LITAF: variants seen among roughly 807,000 people sequenced by gnomAD.
The protein encoded by LITAF is lipopolysaccharide induced TNF factor, also known as lipopolysaccharide-induced tumor necrosis factor-alpha factor.
A neutral mutation model predicts 14.5 loss-of-function variants in LITAF; 9 were observed. That is an observed-to-expected ratio of 0.62 (90% CI 0.37 to 1.08). The LOEUF (loss-of-function observed/expected upper bound fraction) is 1.08. Ranked by LOEUF, LITAF falls within the 50% of genes least tolerant of loss-of-function variation. The pLI, the probability that LITAF is intolerant of heterozygous loss-of-function variation, is 0.01. For missense variants in LITAF, 206 were observed against 213.4 expected, an observed-to-expected ratio of 0.97 and a Z score of 0.22; for synonymous variants, 98 against 88.2, an observed-to-expected ratio of 1.11 and a Z score of -0.62.
intron 3 of LITAF, among the ~76,000 whole-genome samples, chr16:11,629,854 G>A (rs1488836160): frequency 6.6e-6 from 1 of 152,176 alleles, no homozygotes; most frequent in Non-Finnish European, 1.5e-5. Flanking sequence ...CCATGTGGTA[G>A]GCGCTCTTCC....
chr16:11,573,701 CTTTT>C (rs58695999), intron 1 of LITAF, among the ~76,000 whole-genome samples: 2,507 of 111,900 alleles, frequency 0.022, 36 homozygotes, highest in African/African-American at 0.034. Context: ...AGAAGATATC[CTTTT>C]TTTTTTTTTT....
At chr16:11,617,118 G>A (rs1022887780) in intron 3 of LITAF, among the ~76,000 whole-genome samples, 1 of 152,006 alleles carries the variant, frequency 6.6e-6, no homozygotes, top group Non-Finnish European at 1.5e-5. Flanking sequence ...TACTTGAGAG[G>A]CTGAGGCAGG....
chr16:11,570,666 G>A (rs61038046), intron 1 of LITAF, among the ~76,000 whole-genome samples: 9 of 152,218 alleles, frequency 5.9e-5, no homozygotes, highest in East Asian at 1.9e-4. Context: ...AGGTAGGCCC[G>A]GTGTAATCAC....
chr16:11,610,295 G>A (rs2064975561), intron 3 of LITAF, among the ~76,000 whole-genome samples: 1 of 152,304 alleles, frequency 6.6e-6, no homozygotes, highest in East Asian at 1.9e-4. Context: ...ACCTGCCCCC[G>A]CAGGCTCCAG....
intron 1 of LITAF, among the ~76,000 whole-genome samples, chr16:11,557,606 C>G (rs555618901): frequency 1.1e-4 from 17 of 152,184 alleles, no homozygotes; most frequent in Admixed American, 9.8e-4. Context: ...TGTGCCCCCC[C>G]GCCCGGCTAA....
upstream of LITAF, among the ~76,000 whole-genome samples, chr16:11,599,859 T>A (rs2064916662): frequency 6.6e-6 from 1 of 152,172 alleles, no homozygotes; most frequent in East Asian, 1.9e-4. Flanking sequence ...GGTATCTATG[T>A]GGCCTGCTCC....
chr16:11,621,788 T>A (rs1283076438), intron 3 of LITAF, among the ~76,000 whole-genome samples: 7 of 152,120 alleles, frequency 4.6e-5, no homozygotes, highest in Non-Finnish European at 1.0e-4. Flanking sequence ...CTGCTTGTGC[T>A]TCCTGAGATC....
intron 1 of LITAF, among the ~76,000 whole-genome samples, chr16:11,571,961 C>T (rs2064547773): frequency 6.6e-6 from 1 of 151,810 alleles, no homozygotes; most frequent in Non-Finnish European, 1.5e-5. Flanking sequence ...TGGTGGTGCG[C>T]ACCTGTAGTC....
At chr16:11,554,984 C>A (rs918576126) in intron 2 of LITAF, among the ~76,000 whole-genome samples, 1 of 152,072 alleles carries the variant, frequency 6.6e-6, no homozygotes, top group Non-Finnish European at 1.5e-5. Context: ...CATAGAAAGA[C>A]CCTCCTTCCA....
At chr16:11,638,340 GGT>G (rs2065151557), upstream of LITAF, among the ~76,000 whole-genome samples, 1 of 151,698 alleles carries the variant, frequency 6.6e-6, no homozygotes, top group South Asian at 2.1e-4. Context: ...GCCTTCACAT[GGT>G]AACAGCATGA....
chr16:11,610,860 G>A (rs889490357), intron 3 of LITAF, among the ~76,000 whole-genome samples: 3 of 152,116 alleles, frequency 2.0e-5, no homozygotes, highest in Non-Finnish European at 1.5e-5. Context: ...GGGTGGGGCT[G>A]GGGAAATGTG....
At chr16:11,597,768 C>T (rs1313997558) in intron 1 of LITAF, among the ~76,000 whole-genome samples, 2 of 152,170 alleles carry the variant, frequency 1.3e-5, no homozygotes, top group Admixed American at 6.5e-5. Context: ...CCCTGCCCTC[C>T]GCAGTCTGAA....
chr16:11,623,007 C>T (rs2065061258), intron 3 of LITAF, among the ~76,000 whole-genome samples: 1 of 150,444 alleles, frequency 6.6e-6, no homozygotes, highest in Non-Finnish European at 1.5e-5. Context: ...GCTCTGTCGC[C>T]CAGGCTGGTG....
chr16:11,597,457 C>A (rs1424097462), intron 1 of LITAF, among the ~76,000 whole-genome samples: 1 of 152,126 alleles, frequency 6.6e-6, no homozygotes, highest in Non-Finnish European at 1.5e-5. Context: ...CTCCCAGCAA[C>A]CCTATAAGGG....
rs529293000 is a variant in LITAF, at chr16:11,596,353, C to T, written c.-6+2035G>A. ...CACTTAATAATGACACACAGGTGTC[C>T]TCTTGGCCACAGGGATTGTGCTGCA... On this transcript the variant is annotated intron_variant, in intron 1 of 3. Coordinates refer to the LITAF transcript ENST00000571627. Among the ~76,000 whole-genome samples, 9 of 151,504 alleles carry T rather than the reference C, an allele frequency of 5.9e-5. No homozygotes were observed. The East Asian group carries it at 1.6e-3, about 26-fold the overall frequency.
intron 1 of LITAF, among the ~76,000 whole-genome samples, chr16:11,592,510 C>T (rs1202924941): frequency 6.6e-6 from 1 of 151,112 alleles, no homozygotes; most frequent in Non-Finnish European, 1.5e-5. Flanking sequence ...GGGAGGTCAA[C>T]ACTGCAGTGA....
At chr16:11,592,172 A>G (rs8055235), upstream of LITAF, among the ~76,000 whole-genome samples, 64,006 of 152,118 alleles carry the variant, frequency 0.42, 14,591 homozygotes, top group African/African-American at 0.6. Context: ...AACCCACAGA[A>G]GAGGAGAAAA....
rs145887813 is a variant in LITAF at position 11,607,048 on chromosome 16, A to T, written c.85+26485T>A. Among the ~76,000 whole-genome samples the T allele has an allele frequency of 7.6e-4, 116 of 152,312 alleles. No individual in the cohort carries two copies. In the East Asian group the frequency reaches 0.016, roughly 22 times the overall value. On this transcript the variant is annotated intron_variant, in intron 3 of 3. Transcript: ENST00000574848. ...GCTTTCAGGAATGGCCCAAGGTCAC[A>T]CCACCATTTGGGAGTAAATCCACAT...
chr16:11,596,848 G>C (rs1197410542), intron 1 of LITAF, among the ~76,000 whole-genome samples: 1 of 151,604 alleles, frequency 6.6e-6, no homozygotes, highest in Non-Finnish European at 1.5e-5. Flanking sequence ...TGGGGAGGAG[G>C]AAGACAGTGA....
Sources: allele counts gnomAD v4.1 joint callset (sites outside exome capture counted in the v4.1 genomes callset), GRCh38; gene constraint gnomAD v4.1.1; transcripts MANE v1.5; gene names NCBI Gene and HGNC (gene_info 2026-07-23, HGNC 2026-07-21).